Variants in CHRDL1 observed in about 807,000 individuals in gnomAD.
CHRDL1 encodes chordin-like protein 1.
In CHRDL1, 19 loss-of-function variants were observed where a neutral mutation model predicts 40.9. The observed-to-expected ratio is 0.46, with a 90% CI of 0.32 to 0.68. The LOEUF is 0.68. CHRDL1 is among the 30% of genes least tolerant of loss of function. The probability of loss-of-function intolerance (pLI) is 0.03; values close to 1 mark genes in which losing one functional copy is unlikely to be tolerated. For synonymous variants in CHRDL1, 136 were observed against 123.4 expected, an observed-to-expected ratio of 1.10 and a Z score of -0.68; for missense variants, 329 against 352.1, an observed-to-expected ratio of 0.93 and a Z score of 0.53.
At chrX:110,708,261 T>A (rs753037781) in intron 6 of CHRDL1, among the ~76,000 whole-genome samples, 114 of 110,765 alleles carry the variant, frequency 1.0e-3, no homozygotes, top group African/African-American at 3.6e-3. Context: ...GAACCAGAAA[T>A]ACCATTTGAC....
intron 2 of CHRDL1, among the ~76,000 whole-genome samples, chrX:110,786,828 T>A (rs938777642): frequency 8.9e-6 from 1 of 112,409 alleles, no homozygotes; most frequent in Non-Finnish European, 1.9e-5. Flanking sequence ...TCCCAAATAG[T>A]ATACTATCCC....
rs1243493033 is a variant in CHRDL1, at chrX:110,676,091, T to C, written c.*140A>G. 5 of 581,891 alleles carry C rather than the reference T, an allele frequency of 8.6e-6. No individual in the cohort carries two copies. The highest frequency in any genetic ancestry group is 1.3e-5 in the Non-Finnish European group (5 of 377,475). The allele number at this position is 581,891 out of a possible 1,213,427, so 48.0% of individuals were successfully genotyped here. ...ACACCACTCCACACAAAGGAGCAAA[T>C]TATGCTGTGCATGGCGTGAATAATT... On this transcript the variant is annotated 3_prime_UTR_variant, in exon 12 of 12. Transcript: ENST00000372042.
intron 6 of CHRDL1, among the ~76,000 whole-genome samples, chrX:110,705,281 CTATATATA>C (rs10551964): frequency 5.2e-5 from 4 of 76,814 alleles, no homozygotes; most frequent in South Asian, 6.6e-4. Flanking sequence ...GTAATGGAGA[CTATATATA>C]TATATATATA....
At chrX:110,756,447 C>A (rs907470134) in intron 4 of CHRDL1, among the ~76,000 whole-genome samples, 1 of 110,988 alleles carries the variant, frequency 9.0e-6, no homozygotes, top group Non-Finnish European at 1.9e-5. Flanking sequence ...ATAGCTCTCC[C>A]CACTCAGTGT....
chrX:110,677,684 G>C (rs1339501326), intron 11 of CHRDL1, among the ~76,000 whole-genome samples: 2 of 111,670 alleles, frequency 1.8e-5, no homozygotes, highest in Non-Finnish European at 3.8e-5. Context: ...TTCTCATACT[G>C]TCCTGTTATT....
chrX:110,702,929 G>A (rs763774788), intron 6 of CHRDL1, among the ~76,000 whole-genome samples: 2 of 111,753 alleles, frequency 1.8e-5, no homozygotes, highest in Admixed American at 1.9e-4. Context: ...AATATTTGTC[G>A]AATCAATAAA....
intron 9 of CHRDL1, among the ~76,000 whole-genome samples, chrX:110,684,942 T>C (rs1323671536): frequency 8.9e-6 from 1 of 112,234 alleles, no homozygotes; most frequent in Non-Finnish European, 1.9e-5. Flanking sequence ...ATCAATCGTC[T>C]ATCTCCACAA....
Position 110,689,061 on chromosome X carries a change from AATATATATATGT to A in CHRDL1, c.779-270_779-259del, listed in dbSNP as rs1175509570. ...CCTCAGACATAGTAGGCAGTCCATA[AATATATATATGT>A]ATATATATATATATATATATATATA... On this transcript the variant is annotated intron_variant, in intron 8 of 11. Coordinates refer to ENST00000372042, the MANE Select transcript of CHRDL1 (RefSeq NM_001143981.2). Among the ~76,000 whole-genome samples, 594 of 76,241 alleles carry A rather than the reference AATATATATATGT, an allele frequency of 7.8e-3. 32 individuals carry two copies. Among genetic ancestry groups the A allele is most frequent in the African/African-American group, 0.026 (558 of 21,723 alleles). 66.2% of individuals were successfully genotyped at this position (76,241 alleles called of 115,157 possible).
At chrX:110,792,954 AC>A (rs1165332536) in intron 1 of CHRDL1, among the ~76,000 whole-genome samples, 7 of 112,431 alleles carry the variant, frequency 6.2e-5, no homozygotes. Context: ...CATTAAAACA[AC>A]TACAGTTCTT....
At chrX:110,701,499 T>C (rs1407428613) in intron 6 of CHRDL1, among the ~76,000 whole-genome samples, 2 of 112,124 alleles carry the variant, frequency 1.8e-5, no homozygotes, top group African/African-American at 6.5e-5. Context: ...TTTTCTATTC[T>C]GATTACTCTC....
At chrX:110,747,687 C>T (rs2089282926) in intron 4 of CHRDL1, among the ~76,000 whole-genome samples, 1 of 112,516 alleles carries the variant, frequency 8.9e-6, no homozygotes, top group Admixed American at 9.4e-5. Flanking sequence ...AAAGCAAACA[C>T]CCATGTGACT....
Position 110,681,501 on chromosome X carries a change from G to A in CHRDL1, c.1137C>T (p.His379=), listed in dbSNP as rs76506792. 4 of 1,209,594 alleles carry A rather than the reference G, an allele frequency of 3.3e-6. No homozygotes were observed. Among genetic ancestry groups the A allele is most frequent in the African/African-American group, 3.5e-5 (2 of 57,693 alleles). The change falls in exon 10 of 12, where the codon CAC becomes CAT. Residue 379 remains histidine (H), a synonymous_variant. Transcript: ENST00000372042. Reference sequence around the variant, plus strand: ...GCTCACCCTTTCGAATAGTCCAAACGTGGACCTCTACCTGAGGTGGTCTCT... The same window carrying A: ...GCTCACCCTTTCGAATAGTCCAAACATGGACCTCTACCTGAGGTGGTCTCT... ...ETERPPQVEV[H]VWTIRKGILQ...
At chrX:110,791,511 T>A (rs1293666050) in intron 2 of CHRDL1, among the ~76,000 whole-genome samples, 1 of 111,764 alleles carries the variant, frequency 8.9e-6, no homozygotes, top group East Asian at 2.8e-4. Context: ...TCTAGAAATA[T>A]TCCCTGGCTT....
intron 2 of CHRDL1, among the ~76,000 whole-genome samples, chrX:110,789,387 T>C (rs769629570): frequency 8.9e-6 from 1 of 112,240 alleles, no homozygotes; most frequent in African/African-American, 3.2e-5. Context: ...ACAGTACTTA[T>C]GAAGATTAAA....
intron 8 of CHRDL1, among the ~76,000 whole-genome samples, chrX:110,689,733 ATAT>A (rs1461959994): frequency 1.8e-5 from 1 of 57,077 alleles, no homozygotes; most frequent in East Asian, 3.6e-4. Context: ...ATATATCTAT[ATAT>A]CTATATATAT....
At chrX:110,768,535 A>C (rs1026950258) in intron 2 of CHRDL1, among the ~76,000 whole-genome samples, 5 of 110,795 alleles carry the variant, frequency 4.5e-5, no homozygotes, top group African/African-American at 1.6e-4. Flanking sequence ...GGCACCATCC[A>C]ATTTGCTGCC....
At chrX:110,756,401 T>C (rs1292606196) in intron 4 of CHRDL1, among the ~76,000 whole-genome samples, 1 of 111,113 alleles carries the variant, frequency 9.0e-6, no homozygotes, top group Admixed American at 9.6e-5. Context: ...AGTTGGGGAC[T>C]AGGGTCACAC....
At position 110,792,215 on chromosome X, in the gene CHRDL1, G is replaced by A; in HGVS notation, c.-34C>T. 2 of 887,416 alleles carry A rather than the reference G, an allele frequency of 2.3e-6. No individual in the cohort carries two copies. Among genetic ancestry groups the A allele is most frequent in the Non-Finnish European group, 1.6e-6 (1 of 615,107 alleles). 73.1% of individuals were successfully genotyped at this position (887,416 alleles called of 1,213,427 possible). On this transcript the variant is annotated splice_region_variant and 5_prime_UTR_variant, in exon 2 of 12. Coordinates refer to ENST00000372042, the MANE Select transcript of CHRDL1 (RefSeq NM_001143981.2). ...CTGCAAAAGGTGACAGAACCTTCAA[G>A]CTGTTGGGAAGAAAGCAGAAAAAAG...
intron 4 of CHRDL1, among the ~76,000 whole-genome samples, chrX:110,745,253 G>A (rs1462466320): frequency 9.0e-6 from 1 of 111,543 alleles, no homozygotes; most frequent in African/African-American, 3.3e-5. Context: ...GTAAGTGGCT[G>A]GGAGAGAGAT....
Sources: gnomAD v4.1 joint callset for allele counts (sites outside exome capture counted in the v4.1 genomes callset) on GRCh38, gnomAD v4.1.1 for gene constraint, MANE v1.5 for transcripts, NCBI Gene and HGNC (gene_info 2026-07-23, HGNC 2026-07-21) for gene names.